Variants in GPC6 observed in about 807,000 individuals in gnomAD.
The protein encoded by GPC6 is glypican 6, also known as glypican-6.
GPC6 carries 14 observed loss-of-function variants against 55.2 expected under a neutral mutation model. The ratio of observed to expected loss-of-function variants is 0.25; its 90% CI spans 0.17 to 0.40. The LOEUF (loss-of-function observed/expected upper bound fraction) is 0.40, where lower values mean the gene tolerates loss of function less well. Ranked by LOEUF, GPC6 falls within the 10% of genes least tolerant of loss-of-function variation. GPC6 has a pLI of 1.00. For missense variants in GPC6, 641 were observed against 708.5 expected (o/e 0.90, Z 1.08); for synonymous variants, 278 against 259.6 (o/e 1.07, Z -0.68).
At chr13:93,857,721 C>T (rs1214946359) in intron 3 of GPC6, among the ~76,000 whole-genome samples, 1 of 151,484 alleles carries the variant, frequency 6.6e-6, no homozygotes, top group Non-Finnish European at 1.5e-5. Flanking sequence ...AAGCAAAGGG[C>T]TACTACTACT....
At chr13:93,899,844 A>G (rs73553732) in intron 3 of GPC6, among the ~76,000 whole-genome samples, 1,675 of 152,304 alleles carry the variant, frequency 0.011, 22 homozygotes, top group African/African-American at 0.038. Context: ...ATATTAGGAC[A>G]ACATGTTTTA....
At chr13:94,191,965 A>G (rs938105038) in intron 4 of GPC6, among the ~76,000 whole-genome samples, 7 of 152,202 alleles carry the variant, frequency 4.6e-5, no homozygotes, top group Admixed American at 4.6e-4. Context: ...ACTTGAAGAG[A>G]AGACCTCTCA....
intron 3 of GPC6, among the ~76,000 whole-genome samples, chr13:93,834,348 C>A (rs1359978037): frequency 6.6e-6 from 1 of 152,068 alleles, no homozygotes; most frequent in Non-Finnish European, 1.5e-5. Flanking sequence ...ATCAAGTCAT[C>A]TAAAATACAT....
intron 2 of GPC6, among the ~76,000 whole-genome samples, chr13:93,768,209 T>G (rs1402231066): frequency 6.6e-6 from 1 of 152,218 alleles, no homozygotes; most frequent in Non-Finnish European, 1.5e-5. Flanking sequence ...CTCTAACTCA[T>G]GCCTTGTCTA....
Position 93,363,355 on chromosome 13 carries a change from A to G in GPC6, c.160+135739A>G, listed in dbSNP as rs542656025. On this transcript the variant is annotated intron_variant, in intron 1 of 8. Coordinates refer to ENST00000377047, the MANE Select transcript of GPC6 (RefSeq NM_005708.5). The stretch of plus-strand genomic sequence containing the variant: ...TGTGTCCATGTGTTCTCATTGTTCA[A>G]TTCCCACCTATGAGTGAGAATATGC... Among the ~76,000 whole-genome samples the G allele has an allele frequency of 1.2e-3, 179 of 150,934 alleles. 4 individuals are homozygous for G. Among genetic ancestry groups the G allele is most frequent in the Admixed American group, 2.2e-3 (33 of 15,114 alleles).
intron 4 of GPC6, among the ~76,000 whole-genome samples, chr13:94,133,849 A>G (rs1181009633): frequency 2.0e-5 from 3 of 152,162 alleles, no homozygotes; most frequent in African/African-American, 7.2e-5. Flanking sequence ...ATTGTGTGCA[A>G]TAACAAAGGT....
intron 3 of GPC6, among the ~76,000 whole-genome samples, chr13:93,875,156 C>G (rs1889251395): frequency 6.6e-6 from 1 of 151,952 alleles, no homozygotes; most frequent in African/African-American, 2.4e-5. Context: ...TGGTGAAGGC[C>G]CCTCAAGTAT....
intron 3 of GPC6, among the ~76,000 whole-genome samples, chr13:93,856,695 A>T (rs558833460): frequency 5.9e-5 from 9 of 151,720 alleles, no homozygotes; most frequent in African/African-American, 1.9e-4. Context: ...ACATCATTCT[A>T]TGCAGATGGA....
intron 2 of GPC6, among the ~76,000 whole-genome samples, chr13:93,819,004 C>A (rs961440272): frequency 6.6e-6 from 1 of 152,060 alleles, no homozygotes. Flanking sequence ...ACAAGATATA[C>A]AAGTATACAA....
chr13:94,133,577 C>A (rs1887081135), intron 4 of GPC6, among the ~76,000 whole-genome samples: 1 of 152,126 alleles, frequency 6.6e-6, no homozygotes, highest in Admixed American at 6.6e-5. Flanking sequence ...CTGAGAAATT[C>A]AGCTTTCCAG....
At chr13:93,654,449 T>G (rs1484566151) in intron 2 of GPC6, among the ~76,000 whole-genome samples, 1 of 151,898 alleles carries the variant, frequency 6.6e-6, no homozygotes, top group Non-Finnish European at 1.5e-5. Flanking sequence ...TGCCTTAGCC[T>G]CCAGAGTAAC....
chr13:93,712,079 C>G (rs1421295568), intron 2 of GPC6, among the ~76,000 whole-genome samples: 5 of 151,692 alleles, frequency 3.3e-5, no homozygotes, highest in African/African-American at 4.8e-5. Flanking sequence ...AGCCTGTGTT[C>G]CAGGCTCTGC....
intron 6 of GPC6, among the ~76,000 whole-genome samples, chr13:94,308,319 T>TA (rs1876062739): frequency 6.6e-6 from 1 of 152,216 alleles, no homozygotes; most frequent in Non-Finnish European, 1.5e-5. Flanking sequence ...CTCTGGTGTT[T>TA]AAAATCTGAT....
chr13:94,212,171 C>T (rs1018660147), intron 4 of GPC6, among the ~76,000 whole-genome samples: 1 of 152,314 alleles, frequency 6.6e-6, no homozygotes, highest in Non-Finnish European at 1.5e-5. Context: ...TAGTCCCATA[C>T]TGAGATGTAC....
chr13:93,256,704 C>A (rs1470560275), intron 1 of GPC6, among the ~76,000 whole-genome samples: 2 of 152,162 alleles, frequency 1.3e-5, no homozygotes, highest in Non-Finnish European at 2.9e-5. Context: ...ACTCTGTATA[C>A]TACTAGGCAT....
chr13:93,438,581 A>G (rs73552692), intron 1 of GPC6, among the ~76,000 whole-genome samples: 5,351 of 152,290 alleles, frequency 0.035, 317 homozygotes, highest in African/African-American at 0.12. Flanking sequence ...ATCTGAAGAT[A>G]TGAATGAATT....
intron 3 of GPC6, among the ~76,000 whole-genome samples, chr13:93,843,229 C>A: frequency 6.6e-6 from 1 of 152,098 alleles, no homozygotes; most frequent in African/African-American, 2.4e-5. Context: ...TGGCTCACAT[C>A]GTTTGTTTGC....
At chr13:93,966,285 C>T (rs919012908) in intron 3 of GPC6, among the ~76,000 whole-genome samples, 2 of 152,216 alleles carry the variant, frequency 1.3e-5, no homozygotes, top group Admixed American at 1.3e-4. Flanking sequence ...AGTGACAGAA[C>T]AGATCCTCAA....
chr13:93,251,977 T>G (rs1195315725), intron 1 of GPC6, among the ~76,000 whole-genome samples: 1 of 152,242 alleles, frequency 6.6e-6, no homozygotes. Flanking sequence ...TTCTGTTTGT[T>G]GTTTTTACCA....
Sources: gnomAD v4.1 joint callset for allele counts (sites outside exome capture counted in the v4.1 genomes callset) on GRCh38, gnomAD v4.1.1 for gene constraint, MANE v1.5 for transcripts, NCBI Gene and HGNC (gene_info 2026-07-23, HGNC 2026-07-21) for gene names.